The following GLRX3 variants were observed in gnomAD, a reference collection of about 807,000 sequenced individuals.
GLRX3 encodes the protein glutaredoxin-3.
GLRX3 carries 22 observed loss-of-function variants against 49.5 expected under a neutral mutation model. The ratio of observed to expected loss-of-function variants is 0.44; its 90% CI spans 0.32 to 0.63. The LOEUF (loss-of-function observed/expected upper bound fraction) is 0.63, where lower values mean the gene tolerates loss of function less well. GLRX3 is among the 30% of genes least tolerant of loss of function. GLRX3 has a pLI of 0.05. For synonymous variants in GLRX3, 133 were observed against 140.0 expected (o/e 0.95, Z 0.35); for missense variants, 385 against 396.3 (o/e 0.97, Z 0.24).
intron 4 of GLRX3, among the ~76,000 whole-genome samples, chr10:130,163,964 T>G (rs1862632592): frequency 6.6e-6 from 1 of 152,246 alleles, no homozygotes; most frequent in Non-Finnish European, 1.5e-5. Flanking sequence ...TGATGTTTGT[T>G]TTTTGATTAG....
In GLRX3 at chr10:130,147,839, C is replaced by T. The variant is rs370356665; in HGVS notation, c.201+2520C>T. ...GGAGGATTGCTTGAGGCCAGGAATT[C>T]AAAACCAGCCTGATGCACATAGCAA... On this transcript the variant is annotated intron_variant, in intron 2 of 10. Transcript: ENST00000331244. Among the ~76,000 whole-genome samples the T allele has an allele frequency of 5.9e-5, 9 of 152,218 alleles. No individual in the cohort carries two copies. The East Asian group carries it at 1.7e-3, about 29-fold the overall frequency.
chr10:130,149,249 T>C (rs1414318829), intron 2 of GLRX3, among the ~76,000 whole-genome samples: 1 of 152,018 alleles, frequency 6.6e-6, no homozygotes, highest in African/African-American at 2.4e-5. Flanking sequence ...CAAGACCAGC[T>C]TGAGTAACAT....
intron 2 of GLRX3, among the ~76,000 whole-genome samples, chr10:130,155,876 A>G (rs1363901936): frequency 6.6e-6 from 1 of 152,160 alleles, no homozygotes; most frequent in Non-Finnish European, 1.5e-5. Flanking sequence ...GAGTTTGAGC[A>G]TTTAGGGAGG....
intron 6 of GLRX3, among the ~76,000 whole-genome samples, chr10:130,168,226 C>T (rs1426288081): frequency 1.3e-5 from 2 of 152,258 alleles, no homozygotes; most frequent in African/African-American, 4.8e-5. Context: ...AAGTGGAGTT[C>T]ATGGACTTGT....
chr10:130,143,907 C>G (rs1205184359), intron 1 of GLRX3, among the ~76,000 whole-genome samples: 3 of 152,148 alleles, frequency 2.0e-5, no homozygotes, highest in African/African-American at 7.2e-5. Flanking sequence ...CCACATTAGC[C>G]AGGCTGGTCT....
At chr10:130,175,160 G>T (rs567360120) in intron 10 of GLRX3, 71 bp downstream of exon 10, 1 of 879,960 alleles carries the variant, frequency 1.1e-6, no homozygotes, top group East Asian at 2.4e-5. Flanking sequence ...ATTTCATATT[G>T]AATGGAAACT....
At chr10:130,152,003 G>A (rs1233177130) in intron 2 of GLRX3, among the ~76,000 whole-genome samples, 1 of 152,014 alleles carries the variant, frequency 6.6e-6, no homozygotes, top group Non-Finnish European at 1.5e-5. Context: ...TTACATTTAA[G>A]GTTAATTTTG....
At chr10:130,154,041 C>T (rs1028919537) in intron 2 of GLRX3, among the ~76,000 whole-genome samples, 5 of 152,198 alleles carry the variant, frequency 3.3e-5, no homozygotes, top group South Asian at 2.1e-4. Context: ...TCAGCAATGG[C>T]GGACGCCCCT....
At chr10:130,147,866 A>C (rs1862297578) in intron 2 of GLRX3, among the ~76,000 whole-genome samples, 2 of 152,092 alleles carry the variant, frequency 1.3e-5, no homozygotes, top group South Asian at 4.1e-4. Flanking sequence ...ACATAGCAAA[A>C]CCATCTCTAC....
At chr10:130,164,741 T>C (rs1862648905) in intron 4 of GLRX3, among the ~76,000 whole-genome samples, 2 of 152,228 alleles carry the variant, frequency 1.3e-5, no homozygotes, top group South Asian at 4.1e-4. Flanking sequence ...CTCTTAAAAA[T>C]GAAACACTAC....
intron 10 of GLRX3, 51 bp from the exon 11 acceptor site, chr10:130,179,291 A>G (rs1862981154): frequency 2.4e-6 from 2 of 835,988 alleles, no homozygotes; most frequent in Non-Finnish European, 3.9e-6. Flanking sequence ...AGATGTTTCC[A>G]TCTTTTTATA....
At chr10:130,174,271 C>T (rs150525841) in intron 8 of GLRX3, among the ~76,000 whole-genome samples, 346 of 152,344 alleles carry the variant, frequency 2.3e-3, no homozygotes, top group African/African-American at 7.7e-3. Flanking sequence ...CTGAGCCCTC[C>T]AGCCTCCGTC....
intron 7 of GLRX3, among the ~76,000 whole-genome samples, chr10:130,170,025 G>C (rs987569968): frequency 6.6e-6 from 1 of 152,168 alleles, no homozygotes; most frequent in Non-Finnish European, 1.5e-5. Context: ...TTGATTATGC[G>C]TCATTTTGAA....
chr10:130,139,509 G>T (rs1202503761), intron 1 of GLRX3, among the ~76,000 whole-genome samples: 1 of 151,046 alleles, frequency 6.6e-6, no homozygotes, highest in African/African-American at 2.4e-5. Context: ...AGGCATGGTG[G>T]CAGGTGCCTG....
intron 4 of GLRX3, among the ~76,000 whole-genome samples, chr10:130,165,008 A>G (rs1862654002): frequency 6.6e-6 from 1 of 152,266 alleles, no homozygotes; most frequent in African/African-American, 2.4e-5. Context: ...CTAGTGCTTC[A>G]TCTCAATAAA....
rs553449149 is a variant in GLRX3, at chr10:130,172,014, T to C, written c.824+378T>C. 2.0e-5 allele frequency among the ~76,000 whole-genome samples: 3 copies of C among 152,348 alleles called. No homozygotes were observed. The South Asian group carries it at 6.2e-4, about 32-fold the overall frequency. ...CTTTTCAGTTCTGCCACTGATACTT[T>C]TCAGTTGTAATGTCTATATCCATAC... On this transcript the variant is annotated intron_variant, in intron 8 of 10. Transcript: ENST00000331244.
At chr10:130,176,136 T>C (rs1424450268) in intron 10 of GLRX3, among the ~76,000 whole-genome samples, 1 of 152,148 alleles carries the variant, frequency 6.6e-6, no homozygotes, top group Non-Finnish European at 1.5e-5. Context: ...TTTACATTTT[T>C]TTTTGAGAGA....
At chr10:130,176,488 A>G (rs1337534305) in intron 10 of GLRX3, among the ~76,000 whole-genome samples, 1 of 152,174 alleles carries the variant, frequency 6.6e-6, no homozygotes, top group Non-Finnish European at 1.5e-5. Flanking sequence ...TGACATCAGC[A>G]CTTTGGACCA....
At chr10:130,142,270 C>T (rs931782415) in intron 1 of GLRX3, among the ~76,000 whole-genome samples, 1 of 152,158 alleles carries the variant, frequency 6.6e-6, no homozygotes, top group Non-Finnish European at 1.5e-5. Context: ...CCTTGCTTCC[C>T]ACCTGAGAGA....
Sources: allele counts gnomAD v4.1 joint callset (sites outside exome capture counted in the v4.1 genomes callset), GRCh38; gene constraint gnomAD v4.1.1; transcripts MANE v1.5; gene names NCBI Gene and HGNC (gene_info 2026-07-23, HGNC 2026-07-21).